GCNT2: variants seen among roughly 807,000 people sequenced by gnomAD.
GCNT2 encodes the protein glucosaminyl (N-acetyl) transferase 2 (I blood group), also known as N-acetyllactosaminide beta-1,6-N-acetylglucosaminyl-transferase.
A neutral mutation model predicts 34.2 loss-of-function variants in GCNT2; 34 were observed. The observed-to-expected ratio is 1.00, with a 90% CI of 0.76 to 1.32. The LOEUF (loss-of-function observed/expected upper bound fraction) is 1.32. Ranked by LOEUF, GCNT2 falls within the 40% of genes most tolerant of loss-of-function variation. GCNT2 has a pLI of 0.00. For synonymous variants in GCNT2, 212 were observed against 188.0 expected (o/e 1.13, Z -1.04); for missense variants, 584 against 489.4 (o/e 1.19, Z -1.82).
At chr6:10,564,336 T>G (rs1763182995) in intron 3 of GCNT2, among the ~76,000 whole-genome samples, 1 of 152,158 alleles carries the variant, frequency 6.6e-6, no homozygotes, top group Non-Finnish European at 1.5e-5. Flanking sequence ...TGAACTAAAC[T>G]CAGACTCTCC....
At chr6:10,596,719 T>C (rs186237652) in intron 3 of GCNT2, among the ~76,000 whole-genome samples, 1 of 150,836 alleles carries the variant, frequency 6.6e-6, no homozygotes, top group Admixed American at 6.6e-5. Flanking sequence ...AGACTGAATA[T>C]TCTGTTTCCT....
chr6:10,591,831 G>A (rs560263212), intron 3 of GCNT2, among the ~76,000 whole-genome samples: 5 of 152,302 alleles, frequency 3.3e-5, no homozygotes, highest in Non-Finnish European at 7.4e-5. Context: ...AACTCAAAAC[G>A]TCTCTCCAGC....
chr6:10,613,811 G>A (rs1335555533), intron 3 of GCNT2, among the ~76,000 whole-genome samples: 1 of 152,168 alleles, frequency 6.6e-6, no homozygotes, highest in Non-Finnish European at 1.5e-5. Flanking sequence ...TACTTCATTT[G>A]AGAGGTGAGG....
At position 10,628,877 on chromosome 6, in the gene GCNT2, C is replaced by A. The variant is rs1347427933; in HGVS notation, c.*2270C>A. The A allele has an allele frequency of 1.3e-5, 2 of 152,260 alleles. No homozygotes were observed. Among genetic ancestry groups the A allele is most frequent in the Admixed American group, 1.3e-4 (2 of 15,282 alleles). The allele number at this position is 152,260 out of a possible 1,614,324, so 9.4% of individuals were successfully genotyped here. A position where few individuals can be genotyped will look rare whatever the true frequency, so the allele number is the denominator to read the frequency against. On this transcript the variant is annotated 3_prime_UTR_variant, in exon 5 of 5. Transcript: ENST00000495262. Reference sequence around the variant, plus strand: ...CTCTACTAAAAAATATAAAAATTAGCCGGGCTTTGTGGCATGTGCCTGTAA... The same window carrying A: ...CTCTACTAAAAAATATAAAAATTAGACGGGCTTTGTGGCATGTGCCTGTAA...
At chr6:10,579,190 A>G (rs774602649) in intron 3 of GCNT2, among the ~76,000 whole-genome samples, 1 of 152,000 alleles carries the variant, frequency 6.6e-6, no homozygotes, top group Non-Finnish European at 1.5e-5. Flanking sequence ...TTTATAGGCT[A>G]CCTCTTCACA....
At chr6:10,585,849 T>C in intron 3 of GCNT2, 1 of 1,504,140 alleles carries the variant, frequency 6.6e-7, no homozygotes, top group Non-Finnish European at 8.8e-7. Context: ...ACAGGAGGAT[T>C]AAAGGATTCA....
intron 3 of GCNT2, among the ~76,000 whole-genome samples, chr6:10,606,956 T>A (rs1028745813): frequency 7.9e-5 from 12 of 152,078 alleles, no homozygotes; most frequent in Middle Eastern, 3.4e-3. Context: ...TTTTATTATT[T>A]ATTTTTTTGA....
chr6:10,540,791 G>T (rs1197589683), intron 3 of GCNT2, among the ~76,000 whole-genome samples: 1 of 152,196 alleles, frequency 6.6e-6, no homozygotes, highest in Non-Finnish European at 1.5e-5. Context: ...CTTTTAAGCA[G>T]TCCACAGGGT....
At chr6:10,563,687 A>G (rs1317103021) in intron 3 of GCNT2, among the ~76,000 whole-genome samples, 9 of 149,146 alleles carry the variant, frequency 6.0e-5, no homozygotes, top group Non-Finnish European at 1.2e-4. Flanking sequence ...GCTTGCAGTG[A>G]GCCGAGATTG....
At chr6:10,538,132 G>A (rs1360272656) in intron 3 of GCNT2, among the ~76,000 whole-genome samples, 2 of 151,910 alleles carry the variant, frequency 1.3e-5, no homozygotes, top group African/African-American at 4.8e-5. Flanking sequence ...TTGAGGCCAG[G>A]CGCAGTGGCT....
chr6:10,596,207 A>G (rs964112684), intron 3 of GCNT2, among the ~76,000 whole-genome samples: 3 of 152,190 alleles, frequency 2.0e-5, no homozygotes, highest in African/African-American at 7.2e-5. Context: ...CATTCAAAGT[A>G]GGAGGCAGAA....
intron 1 of GCNT2, among the ~76,000 whole-genome samples, chr6:10,524,268 T>A (rs74544747): frequency 6.6e-6 from 1 of 150,400 alleles, no homozygotes; most frequent in Admixed American, 6.6e-5. Flanking sequence ...TTTTTTTTTT[T>A]AGACGGAGTT....
intron 3 of GCNT2, chr6:10,575,222 C>T (rs950787922): frequency 5.7e-6 from 2 of 349,312 alleles, no homozygotes; most frequent in Non-Finnish European, 5.5e-6. Context: ...CCTTTGTGTT[C>T]GTCATCTTGG....
rs750171358 is a variant in GCNT2 at position 10,529,820 on chromosome 6, A to C, written c.909A>C (p.Thr303=). ...GCCCCGACGAACATTTCTGGGTGAC[A>C]CTCAACAGGATTCCCGGTATGTACG... ...TYSPDEHFWV[T]LNRIPGVPGS... Residue 303 remains threonine (T), a synonymous_variant, in exon 3 of 5, where the codon ACA becomes ACC. Coordinates refer to ENST00000495262, the MANE Select transcript of GCNT2 (RefSeq NM_145649.5). 1 of 1,613,270 alleles carries C rather than the reference A, an allele frequency of 6.2e-7. No individual in the cohort carries two copies.
intron 3 of GCNT2, among the ~76,000 whole-genome samples, chr6:10,546,696 A>G (rs926453136): frequency 6.6e-6 from 1 of 152,184 alleles, no homozygotes; most frequent in Non-Finnish European, 1.5e-5. Flanking sequence ...TTGAAGATCT[A>G]TAAAATATTT....
At chr6:10,552,189 A>C (rs1258176641) in intron 3 of GCNT2, among the ~76,000 whole-genome samples, 2 of 152,208 alleles carry the variant, frequency 1.3e-5, no homozygotes, top group Non-Finnish European at 2.9e-5. Flanking sequence ...TCCCCAGGGA[A>C]TCCAACAAAT....
At chr6:10,528,398 G>A (rs1053097924) in intron 2 of GCNT2, 6 of 176,936 alleles carry the variant, frequency 3.4e-5, no homozygotes, top group East Asian at 1.4e-4. Flanking sequence ...ACTGAAGCTC[G>A]TAGCTTGGCA....
intron 3 of GCNT2, among the ~76,000 whole-genome samples, chr6:10,560,823 T>G (rs1407081785): frequency 6.6e-6 from 1 of 152,074 alleles, no homozygotes; most frequent in Non-Finnish European, 1.5e-5. Flanking sequence ...CTGTTAGAAA[T>G]GGTGATACAA....
chr6:10,616,378 A>G (rs1765764170), intron 3 of GCNT2, among the ~76,000 whole-genome samples: 1 of 152,202 alleles, frequency 6.6e-6, no homozygotes. Context: ...ACAGTGTGGA[A>G]AGCAACCTAA....
Sources: allele counts gnomAD v4.1 joint callset (sites outside exome capture counted in the v4.1 genomes callset), GRCh38; gene constraint gnomAD v4.1.1; transcripts MANE v1.5; gene names NCBI Gene and HGNC (gene_info 2026-07-23, HGNC 2026-07-21).